Variants in THSD1 observed in about 807,000 individuals in gnomAD.
THSD1 encodes the protein thrombospondin type-1 domain-containing protein 1.
THSD1 carries 34 observed loss-of-function variants against 46.3 expected under a neutral mutation model. That is an observed-to-expected ratio of 0.74 (90% confidence interval 0.56 to 0.98). The LOEUF is 0.98. THSD1 is among the 50% of genes least tolerant of loss of function. The pLI is 0.00. For missense variants in THSD1, 1,023 were observed against 1,058.3 expected (o/e 0.97, Z 0.46); for synonymous variants, 407 against 416.5 (o/e 0.98, Z 0.28).
intron 2 of THSD1, among the ~76,000 whole-genome samples, chr13:52,401,888 A>C (rs1957865976): frequency 6.6e-6 from 1 of 152,240 alleles, no homozygotes. Context: ...AAAGTAGTGA[A>C]GATTATATCA....
chr13:52,383,702 C>A (rs1266444084), intron 4 of THSD1, among the ~76,000 whole-genome samples: 14 of 152,196 alleles, frequency 9.2e-5, no homozygotes, highest in Admixed American at 9.2e-4. Context: ...ATTGTTGATG[C>A]TATGCAGCCT....
At chr13:52,402,717 C>A in intron 1 of THSD1, 36 bp from the exon 2 acceptor site, 5 of 1,482,092 alleles carry the variant, frequency 3.4e-6, no homozygotes, top group South Asian at 1.4e-5. Context: ...TGGCTCCGTT[C>A]AATGTGATTG....
rs770202310 is a variant in THSD1 at position 52,377,682 on chromosome 13, G to A, written c.2288C>T (p.Pro763Leu). The part of the protein sequence containing the change: ...RTEPHRARRG[P>L]SPSHKSVSRK... ...TGAGACACTCTTGTGACTGGGGGAC[G>A]GTCCCCGACGAGCTCTGTGGGGCTC... The change falls in exon 5 of 5, where the codon CCG (proline) becomes CTG (leucine). Residue 763 changes from proline (P) to leucine (L), a missense_variant. Pro to Leu is a moderately conservative substitution (Grantham distance 98, BLOSUM62 -3). Around this residue, in one of 3 missense-constraint regions of THSD1, gnomAD observed 578 missense variants for 497.4 expected, o/e 1.16. Transcript: ENST00000258613. The A allele has an allele frequency of 3.7e-6, 6 of 1,609,178 alleles. No homozygotes were observed. The East Asian group carries it at 8.9e-5, about 24-fold the overall frequency.
At chr13:52,395,321 A>G (rs1957803254) in intron 3 of THSD1, among the ~76,000 whole-genome samples, 1 of 152,166 alleles carries the variant, frequency 6.6e-6, no homozygotes, top group Non-Finnish European at 1.5e-5. Context: ...AGAGATTGAG[A>G]CACTCAGGAG....
At chr13:52,390,667 A>G (rs561737501) in intron 3 of THSD1, among the ~76,000 whole-genome samples, 52 of 152,280 alleles carry the variant, frequency 3.4e-4, no homozygotes, top group African/African-American at 1.2e-3. Flanking sequence ...GAGTTATAGT[A>G]TTGTGATTTA....
At chr13:52,405,070 A>G (rs1957896706) in intron 1 of THSD1, among the ~76,000 whole-genome samples, 1 of 152,256 alleles carries the variant, frequency 6.6e-6, no homozygotes, top group African/African-American at 2.4e-5. Flanking sequence ...CAATGTTTGC[A>G]TTGAGAATTG....
Position 52,384,180 on chromosome 13 carries a change from G to A in THSD1, c.1180+1848C>T, listed in dbSNP as rs778047059. 14 of 291,224 alleles carry A rather than the reference G, an allele frequency of 4.8e-5. 1 individual carries two copies. Among genetic ancestry groups the A allele is most frequent in the South Asian group, 3.0e-4 (11 of 36,734 alleles). 18.0% of individuals were successfully genotyped at this position (291,224 alleles called of 1,614,324 possible). On this transcript the variant is annotated intron_variant, in intron 4 of 4. Coordinates refer to ENST00000258613, the MANE Select transcript of THSD1 (RefSeq NM_018676.4). ...GCCTGGGCAACAAGAGCGAAACTCC[G>A]TCTCAAAAAAAAAAAAAAAAAAAGA... is the stretch of plus-strand genomic sequence containing the variant.
In THSD1 at chr13:52,378,449, C is replaced by T; in HGVS notation, c.1521G>A (p.Glu507=). ...TYRRSGPVPP[E]DDASGSESFQ... ...AGCTCTCGCTGCCAGAGGCATCATC[C>T]TCGGGAGGTACCGGCCCGCTCCGCC... is the stretch of plus-strand genomic sequence containing the variant. The change falls in exon 5 of 5, where the codon GAG becomes GAA. Residue 507 remains glutamate, a synonymous_variant. Coordinates refer to ENST00000258613, the MANE Select transcript of THSD1 (RefSeq NM_018676.4). 1 of 1,614,184 alleles carries T rather than the reference C, an allele frequency of 6.2e-7. No individual in the cohort carries two copies. Among genetic ancestry groups the T allele is most frequent in the Non-Finnish European group, 8.5e-7 (1 of 1,180,052 alleles).
At chr13:52,401,524 C>T (rs908787156) in intron 2 of THSD1, among the ~76,000 whole-genome samples, 1 of 151,986 alleles carries the variant, frequency 6.6e-6, no homozygotes, top group Non-Finnish European at 1.5e-5. Context: ...TGGTCTTGGT[C>T]TCCTGACCTG....
At chr13:52,402,740 T>G (rs1246323260) in intron 1 of THSD1, 59 bp from the exon 2 acceptor site, 1 of 1,425,400 alleles carries the variant, frequency 7.0e-7, no homozygotes, top group African/African-American at 1.4e-5. Context: ...AAAATAGTAA[T>G]CATTAAATGA....
In THSD1 at chr13:52,378,500, C is replaced by T; in HGVS notation, c.1470G>A (p.Gly490=). Residue 490 remains glycine, a synonymous_variant, in exon 5 of 5, where the codon GGG becomes GGA. Coordinates refer to ENST00000258613, the MANE Select transcript of THSD1 (RefSeq NM_018676.4). ...TGTAGGTCAGAGGGATGCCTGTGTC[C>T]CCTGGACTCCCCGTGGGCCCGTCTC... The part of the protein sequence containing the change: ...DGGDGPTGSP[G]DTGIPLTYRR... The T allele has an allele frequency of 6.2e-7, 1 of 1,614,144 alleles. No individual in the cohort carries two copies. The highest frequency in any genetic ancestry group is 8.5e-7 in the Non-Finnish European group (1 of 1,180,042).
chr13:52,391,692 T>G (rs1594100879), intron 3 of THSD1, among the ~76,000 whole-genome samples: 1 of 151,784 alleles, frequency 6.6e-6, no homozygotes, highest in Non-Finnish European at 1.5e-5. Flanking sequence ...TACAGGCACG[T>G]GCCACCATGC....
chr13:52,397,877 C>T lies in THSD1; in HGVS notation c.376G>A (p.Glu126Lys), dbSNP rs1194380577. 1 of 1,614,252 alleles carries T rather than the reference C, an allele frequency of 6.2e-7. No homozygotes were observed. Among genetic ancestry groups the T allele is most frequent in the Admixed American group, 1.7e-5 (1 of 60,028 alleles). The change falls in exon 3 of 5, where the codon GAA becomes AAA. Residue 126 changes from glutamate (E) to lysine (K), a missense_variant. By Grantham distance (56) the Glu-to-Lys change is moderately conservative. Transcript: ENST00000258613. ...WWEKSAFLKV[E>K]WPVFHVDLNR... ...AAGTCAACGTGAAAGACAGGCCATT[C>T]CACCTTCAGAAAGGCACTTTTCTCC...
Position 52,378,751 on chromosome 13 carries a change from C to A in THSD1, c.1219G>T (p.Gly407Cys). Reference sequence around the variant, plus strand: ...ACGATGTTGTTGGACTTCACTGGACCCTGGGGCTGAAGAGGAGATGGGCTG... The same window carrying A: ...ACGATGTTGTTGGACTTCACTGGACACTGGGGCTGAAGAGGAGATGGGCTG... ...PSSPSPLQPQGPVKSNNIVTV... is the reference protein window; with the variant it reads ...PSSPSPLQPQCPVKSNNIVTV... Residue 407 changes from glycine (G) to cysteine (C), a missense_variant, in exon 5 of 5, where the codon GGT becomes TGT. Coordinates refer to ENST00000258613, the MANE Select transcript of THSD1 (RefSeq NM_018676.4). 2 of 1,610,948 alleles carry A rather than the reference C, an allele frequency of 1.2e-6. No homozygotes were observed. Among genetic ancestry groups the A allele is most frequent in the East Asian group, 2.2e-5 (1 of 44,848 alleles).
At chr13:52,387,720 G>A (rs61958013) in intron 3 of THSD1, among the ~76,000 whole-genome samples, 5,905 of 152,114 alleles carry the variant, frequency 0.039, 139 homozygotes, top group South Asian at 0.069. Context: ...CACAGCTGAG[G>A]AAAGAAACAG....
intron 3 of THSD1, among the ~76,000 whole-genome samples, chr13:52,390,118 G>A (rs1594100320): frequency 6.7e-6 from 1 of 148,256 alleles, no homozygotes; most frequent in South Asian, 2.2e-4. Flanking sequence ...TCCAGCCTTG[G>A]CAGCAGAGTG....
At position 52,377,526 on chromosome 13, in the gene THSD1, G is replaced by A. The variant is rs780892989; in HGVS notation, c.2444C>T (p.Thr815Met). 7.5e-6 allele frequency: 12 copies of A among 1,599,372 alleles called. No individual in the cohort carries two copies. Among genetic ancestry groups the A allele is most frequent in the African/African-American group, 6.7e-5 (5 of 74,642 alleles). The change falls in exon 5 of 5, where the codon ACG (threonine) becomes ATG (methionine). Residue 815 changes from threonine to methionine, a missense_variant. Around this residue, in one of 3 missense-constraint regions of THSD1, gnomAD observed 578 missense variants for 497.4 expected, o/e 1.16. Transcript: ENST00000258613. ...THPEFAFYDN[T>M]SFGLTEAEQR... ...CTCAGCCTCAGTGAGGCCAAACGAC[G>A]TATTGTCATAGAAGGCAAACTCAGG... is the stretch of plus-strand genomic sequence containing the variant.
chr13:52,401,028 G>A (rs965444839), intron 2 of THSD1, among the ~76,000 whole-genome samples: 1 of 152,172 alleles, frequency 6.6e-6, no homozygotes, highest in Non-Finnish European at 1.5e-5. Context: ...AGGCTGGAGT[G>A]CAGTGGCATG....
At chr13:52,397,089 A>C in intron 3 of THSD1, 143 bp downstream of exon 3, 1 of 723,674 alleles carries the variant, frequency 1.4e-6, no homozygotes, top group Non-Finnish European at 2.2e-6. Flanking sequence ...TTTTCAGCTA[A>C]GGGTGATAAT....
Sources: gnomAD v4.1 joint callset for allele counts (sites outside exome capture counted in the v4.1 genomes callset) on GRCh38, gnomAD v4.1.1 for gene constraint, gnomAD v4.1.1 regional missense constraint, MANE v1.5 for transcripts, NCBI Gene and HGNC (gene_info 2026-07-23, HGNC 2026-07-21) for gene names.